The following AVL9 variants were observed in gnomAD, a reference collection of about 807,000 sequenced individuals.
AVL9 encodes the protein late secretory pathway protein AVL9 homolog.
Under a neutral mutation model 79.2 loss-of-function variants are expected in AVL9, and 49 were observed. That is an observed-to-expected ratio of 0.62 (90% CI 0.49 to 0.79). The LOEUF (loss-of-function observed/expected upper bound fraction) is 0.79. Ranked by LOEUF, AVL9 falls within the 30% of genes least tolerant of loss-of-function variation. The pLI, the probability that AVL9 is intolerant of heterozygous loss-of-function variation, is 0.00. For synonymous variants in AVL9, 299 were observed against 280.6 expected, an observed-to-expected ratio of 1.07 and a Z score of -0.65; for missense variants, 682 against 776.8, an observed-to-expected ratio of 0.88 and a Z score of 1.45.
chr7:32,576,613 T>G (rs1479377925), intron 13 of AVL9, among the ~76,000 whole-genome samples: 1 of 151,920 alleles, frequency 6.6e-6, no homozygotes, highest in Non-Finnish European at 1.5e-5. Context: ...CTGAAACCCA[T>G]CTCTACTAAA....
chr7:32,521,257 A>G (rs573242218), intron 1 of AVL9, among the ~76,000 whole-genome samples: 1 of 152,344 alleles, frequency 6.6e-6, no homozygotes, highest in African/African-American at 2.4e-5. Flanking sequence ...AGGTTGGAAC[A>G]GTTTGGAGGA....
At chr7:32,530,910 C>A (rs893882654) in intron 1 of AVL9, among the ~76,000 whole-genome samples, 1 of 152,062 alleles carries the variant, frequency 6.6e-6, no homozygotes, top group Non-Finnish European at 1.5e-5. Flanking sequence ...GAGCCAAGAT[C>A]ATGCCACTGC....
At chr7:32,525,052 C>T (rs1788341041) in intron 1 of AVL9, among the ~76,000 whole-genome samples, 1 of 152,184 alleles carries the variant, frequency 6.6e-6, no homozygotes, top group Non-Finnish European at 1.5e-5. Flanking sequence ...CTAGATTCCA[C>T]AGTGCCTGAT....
chr7:32,579,436 ATT>A, intron 13 of AVL9, among the ~76,000 whole-genome samples: 4 of 9,250 alleles, frequency 4.3e-4, no homozygotes, highest in African/African-American at 1.8e-3. Context: ...TAATATATAT[ATT>A]ATATATAATA....
At chr7:32,564,859 C>G (rs7791424) in intron 10 of AVL9, among the ~76,000 whole-genome samples, 127,558 of 152,134 alleles carry the variant, frequency 0.84, 53,531 homozygotes, top group Middle Eastern at 0.88. Flanking sequence ...AGGAGAAGTA[C>G]GAAAATTAGA....
intron 1 of AVL9, chr7:32,533,559 A>G (rs1215045711): frequency 6.6e-6 from 1 of 152,224 alleles, no homozygotes; most frequent in African/African-American, 2.4e-5. Context: ...TTCAAGAGAT[A>G]TGAGAAAGAA....
At chr7:32,570,580 C>G (rs182362416) in intron 11 of AVL9, among the ~76,000 whole-genome samples, 97 of 151,758 alleles carry the variant, frequency 6.4e-4, no homozygotes, top group African/African-American at 2.3e-3. Context: ...TCAATATATA[C>G]GAAATTCAAA....
intron 10 of AVL9, among the ~76,000 whole-genome samples, chr7:32,560,322 CAATTA>C (rs1790278731): frequency 6.6e-6 from 1 of 151,134 alleles, no homozygotes; most frequent in Non-Finnish European, 1.5e-5. Context: ...AAGTGAAGTA[CAATTA>C]ATTATTAAAT....
chr7:32,511,726 A>G (rs766065352), intron 1 of AVL9, among the ~76,000 whole-genome samples: 9 of 151,962 alleles, frequency 5.9e-5, no homozygotes, highest in Admixed American at 2.6e-4. Flanking sequence ...ACGCTGGAAA[A>G]CTGAACAGCT....
intron 3 of AVL9, among the ~76,000 whole-genome samples, chr7:32,548,335 A>G (rs948741917): frequency 3.3e-5 from 5 of 151,852 alleles, no homozygotes; most frequent in African/African-American, 1.2e-4. Flanking sequence ...TTTAGTAGAG[A>G]TGGGGTTTCA....
chr7:32,578,562 C>T (rs914937082), intron 13 of AVL9, among the ~76,000 whole-genome samples: 3 of 152,160 alleles, frequency 2.0e-5, no homozygotes, highest in African/African-American at 7.2e-5. Flanking sequence ...AATTCTAGCA[C>T]TTTGGGAGGC....
chr7:32,501,641 G>A (rs1787132749), intron 1 of AVL9, among the ~76,000 whole-genome samples: 1 of 152,220 alleles, frequency 6.6e-6, no homozygotes, highest in African/African-American at 2.4e-5. Context: ...GTGTCAACTT[G>A]TGTACTAGAA....
In AVL9 at chr7:32,523,269, GA is replaced by G. The variant is rs34028975; in HGVS notation, c.94-19862del. Reference sequence around the variant, plus strand: ...TTGCCCCAGATTGGAAGATTAAGGGGAAAAAAAAAATCAGAAGGCAGAGTTT... The same window carrying G: ...TTGCCCCAGATTGGAAGATTAAGGGGAAAAAAAAATCAGAAGGCAGAGTTT... On this transcript the variant is annotated intron_variant, in intron 1 of 15. Coordinates refer to ENST00000318709, the MANE Select transcript of AVL9 (RefSeq NM_015060.3). 1.8e-4 allele frequency among the ~76,000 whole-genome samples: 26 copies of G among 148,274 alleles called. No individual in the cohort carries two copies. In the East Asian group the frequency reaches 2.9e-3, roughly 17 times the overall value.
At chr7:32,516,065 G>T (rs1278200129) in intron 1 of AVL9, among the ~76,000 whole-genome samples, 1 of 152,158 alleles carries the variant, frequency 6.6e-6, no homozygotes, top group African/African-American at 2.4e-5. Context: ...CCCCATTTGG[G>T]GGTGTTCTGT....
chr7:32,522,725 G>A (rs949816728), intron 1 of AVL9, among the ~76,000 whole-genome samples: 3 of 152,048 alleles, frequency 2.0e-5, no homozygotes, highest in Non-Finnish European at 1.5e-5. Context: ...GAGGGCGCAG[G>A]GGTGTGATAT....
intron 1 of AVL9, among the ~76,000 whole-genome samples, chr7:32,522,325 CA>C (rs1395328842): frequency 6.6e-6 from 1 of 152,208 alleles, no homozygotes; most frequent in African/African-American, 2.4e-5. Flanking sequence ...TGCCAAGCCA[CA>C]GGGGCAGAGC....
chr7:32,579,211 T>G (rs1281131237), intron 13 of AVL9, among the ~76,000 whole-genome samples: 2 of 143,650 alleles, frequency 1.4e-5, no homozygotes, highest in Non-Finnish European at 3.0e-5. Flanking sequence ...TATTGACCCC[T>G]CCATTTTATG....
At chr7:32,503,406 A>ACACACACACACAC (rs1424274246) in intron 1 of AVL9, among the ~76,000 whole-genome samples, 15 of 145,798 alleles carry the variant, frequency 1.0e-4, no homozygotes, top group East Asian at 4.1e-4. Flanking sequence ...ACACACACAC[A>ACACACACACACAC]AATTAGCCGG....
chr7:32,527,326 A>C (rs1057338824), intron 1 of AVL9, among the ~76,000 whole-genome samples: 4 of 152,210 alleles, frequency 2.6e-5, no homozygotes, highest in Non-Finnish European at 5.9e-5. Flanking sequence ...GATAAAGATA[A>C]CTTGCGACAA....
Sources: gnomAD v4.1 joint callset for allele counts (sites outside exome capture counted in the v4.1 genomes callset) on GRCh38, gnomAD v4.1.1 for gene constraint, MANE v1.5 for transcripts, NCBI Gene and HGNC (gene_info 2026-07-23, HGNC 2026-07-21) for gene names.